Variants in GAN observed in about 807,000 individuals in gnomAD.
GAN encodes gigaxonin.
A neutral mutation model predicts 71.3 loss-of-function variants in GAN; 48 were observed. The ratio of observed to expected loss-of-function variants is 0.67; its 90% CI spans 0.53 to 0.86. The LOEUF is 0.86. Among genes scored for constraint, GAN ranks in the 40% least tolerant of loss-of-function variants. The probability of loss-of-function intolerance (pLI) is 0.00; values close to 1 mark genes in which losing one functional copy is unlikely to be tolerated. For synonymous variants in GAN, 386 were observed against 276.8 expected (o/e 1.39, Z -3.92); for missense variants, 928 against 770.1 (o/e 1.21, Z -2.43).
chr16:81,319,018 C>G (rs530920067), intron 1 of GAN, among the ~76,000 whole-genome samples: 3 of 151,602 alleles, frequency 2.0e-5, no homozygotes, highest in Non-Finnish European at 2.9e-5. Context: ...GAAACTAAAC[C>G]TAAAAGTAGT....
At chr16:81,325,995 C>T (rs1180152030) in intron 1 of GAN, among the ~76,000 whole-genome samples, 1 of 152,156 alleles carries the variant, frequency 6.6e-6, no homozygotes, top group Non-Finnish European at 1.5e-5. Context: ...TCCTTCAAGG[C>T]CTGGTTCAAG....
At chr16:81,333,278 A>T (rs1909648731) in intron 1 of GAN, among the ~76,000 whole-genome samples, 1 of 151,072 alleles carries the variant, frequency 6.6e-6, no homozygotes, top group Non-Finnish European at 1.5e-5. Context: ...CCACTAGGTT[A>T]GTCTGTTTTT....
intron 1 of GAN, among the ~76,000 whole-genome samples, chr16:81,347,977 TCTTAA>T (rs1177160602): frequency 2.6e-5 from 4 of 152,162 alleles, no homozygotes; most frequent in African/African-American, 7.2e-5. Context: ...CTTCCAGTTT[TCTTAA>T]CTTATCTCTC....
chr16:81,377,283 G>T lies in GAN; in HGVS notation c.1567G>T (p.Val523Leu). ...PASSSFVYGA[V>L]PIGASIYVIG... is the part of the protein sequence containing the mutation. ...CAGTTCCTCTTTTGTTTATGGAGCT[G>T]TACCTATAGGAGCCAGTATTTATGT... The change falls in exon 10 of 11, where the codon GTA becomes TTA. Residue 523 changes from valine (V) to leucine (L), a missense_variant. Physicochemically the swap from Val to Leu is conservative, Grantham distance 32. Transcript: ENST00000648994. The T allele has an allele frequency of 6.2e-7, 1 of 1,610,960 alleles. No homozygotes were observed. The highest frequency in any genetic ancestry group is 8.5e-7 in the Non-Finnish European group (1 of 1,177,132).
intron 9 of GAN, among the ~76,000 whole-genome samples, chr16:81,368,756 G>A (rs908338668): frequency 1.3e-5 from 2 of 152,170 alleles, no homozygotes; most frequent in African/African-American, 4.8e-5. Context: ...CTGCATCTGT[G>A]TAGTGTCATT....
At chr16:81,316,578 G>T (rs569453712) in intron 1 of GAN, among the ~76,000 whole-genome samples, 1 of 152,338 alleles carries the variant, frequency 6.6e-6, no homozygotes, top group East Asian at 1.9e-4. Flanking sequence ...CTAGCTGGCA[G>T]TTCCGAGGTT....
chr16:81,326,132 G>A (rs1909378357), intron 1 of GAN, among the ~76,000 whole-genome samples: 1 of 152,172 alleles, frequency 6.6e-6, no homozygotes, highest in Non-Finnish European at 1.5e-5. Flanking sequence ...TGGAAAACCA[G>A]TAGACATATG....
intron 1 of GAN, among the ~76,000 whole-genome samples, chr16:81,329,626 C>G (rs1909506172): frequency 6.6e-6 from 1 of 152,136 alleles, no homozygotes; most frequent in African/African-American, 2.4e-5. Context: ...AAGTGTTTAT[C>G]TTGACCTGTC....
rs150068961 is a variant in GAN at position 81,355,053 on chromosome 16, C to T, written c.633+298C>T. On this transcript the variant is annotated intron_variant, in intron 3 of 10. Coordinates refer to ENST00000648994, the MANE Select transcript of GAN (RefSeq NM_022041.4). ...AAGCTTAAGCTGGAGATTATAGAAA[C>T]GCAGTATCCCCACCCTTGCTCTCAG... 6.5e-3 allele frequency among the ~76,000 whole-genome samples: 993 copies of T among 152,264 alleles called. 11 individuals carry two copies. The highest frequency in any genetic ancestry group is 0.023 in the African/African-American group (952 of 41,546).
chr16:81,364,923 G>C, intron 7 of GAN, 51 bp from the exon 8 acceptor site: 1 of 1,583,326 alleles, frequency 6.3e-7, no homozygotes, highest in South Asian at 1.1e-5. Context: ...CTGTTCACCT[G>C]ACCTGAATGA....
intron 1 of GAN, among the ~76,000 whole-genome samples, chr16:81,349,299 G>A (rs1408444805): frequency 1.3e-5 from 2 of 151,904 alleles, no homozygotes; most frequent in Admixed American, 6.6e-5. Flanking sequence ...TGCTAAATTA[G>A]GATTAAGTTT....
At chr16:81,360,654 CTT>C (rs1345571222) in intron 5 of GAN, among the ~76,000 whole-genome samples, 1 of 151,806 alleles carries the variant, frequency 6.6e-6, no homozygotes, top group East Asian at 1.9e-4. Flanking sequence ...CAAATCCTCT[CTT>C]ATTTCTATAG....
At chr16:81,322,794 A>T (rs1054062426) in intron 1 of GAN, among the ~76,000 whole-genome samples, 1 of 152,142 alleles carries the variant, frequency 6.6e-6, no homozygotes, top group African/African-American at 2.4e-5. Flanking sequence ...CTGAGCTCAA[A>T]ATATTTGCAC....
chr16:81,324,364 G>A (rs1420470813), intron 1 of GAN, among the ~76,000 whole-genome samples: 1 of 152,116 alleles, frequency 6.6e-6, no homozygotes, highest in Non-Finnish European at 1.5e-5. Context: ...CATGGCTGCT[G>A]CTGTGGCCTG....
intron 1 of GAN, among the ~76,000 whole-genome samples, chr16:81,347,355 A>T (rs908686248): frequency 6.6e-6 from 1 of 152,184 alleles, no homozygotes; most frequent in Non-Finnish European, 1.5e-5. Context: ...TATATATTTG[A>T]TGTTAAAGAT....
chr16:81,328,837 A>G (rs1909476721), intron 1 of GAN, among the ~76,000 whole-genome samples: 1 of 152,180 alleles, frequency 6.6e-6, no homozygotes, highest in Non-Finnish European at 1.5e-5. Context: ...GAAGGGTTAG[A>G]AATAATTTTG....
chr16:81,326,888 A>T (rs1597389887), intron 1 of GAN, among the ~76,000 whole-genome samples: 1 of 152,240 alleles, frequency 6.6e-6, no homozygotes, highest in African/African-American at 2.4e-5. Context: ...AAACATCGTT[A>T]CCTGCTACAT....
Position 81,384,184 on chromosome 16 carries a change from C to T in GAN, c.*6588C>T, listed in dbSNP as rs74444358. The T allele has an allele frequency of 2.6e-4, 39 of 152,010 alleles. 1 individual carries two copies. The East Asian group carries it at 5.6e-3, about 22-fold the overall frequency. The allele number at this position is 152,010 out of a possible 1,614,324, so 9.4% of individuals were successfully genotyped here. On this transcript the variant is annotated 3_prime_UTR_variant, in exon 11 of 11. Coordinates refer to ENST00000648994, the MANE Select transcript of GAN (RefSeq NM_022041.4). ...CTCATTATGTAGTATTGTGCTTGAT[C>T]CCCTGCCAATTGAGAAGAATTCAAC...
At chr16:81,349,246 G>A (rs1226922338) in intron 1 of GAN, among the ~76,000 whole-genome samples, 1 of 152,126 alleles carries the variant, frequency 6.6e-6, no homozygotes, top group African/African-American at 2.4e-5. Context: ...GAGCCTTTGG[G>A]AAGTCTTCAG....
Sources: allele counts gnomAD v4.1 joint callset (sites outside exome capture counted in the v4.1 genomes callset), GRCh38; gene constraint gnomAD v4.1.1; transcripts MANE v1.5; gene names NCBI Gene and HGNC (gene_info 2026-07-23, HGNC 2026-07-21).